LRP1B: variants seen among roughly 807,000 people sequenced by gnomAD.
LRP1B encodes LDL receptor related protein 1B, also known as low-density lipoprotein receptor-related protein 1B.
In LRP1B, 217 loss-of-function variants were observed where a neutral mutation model predicts 556.6. That is an observed-to-expected ratio of 0.39 (90% CI 0.35 to 0.44). The LOEUF is 0.44. Ranked by LOEUF, LRP1B falls within the 20% of genes least tolerant of loss-of-function variation. The pLI is 1.00. For synonymous variants in LRP1B, 2,047 were observed against 1,865.8 expected (o/e 1.10, Z -2.50); for missense variants, 5,053 against 5,620.8 (o/e 0.90, Z 3.23).
intron 1 of LRP1B, among the ~76,000 whole-genome samples, chr2:141,960,026 G>C (rs574939041): frequency 6.6e-6 from 1 of 152,024 alleles, no homozygotes; most frequent in East Asian, 1.9e-4. Flanking sequence ...TATGTATACA[G>C]ACACATGCAT....
chr2:141,341,289 A>G (rs1326950729), intron 3 of LRP1B, among the ~76,000 whole-genome samples: 3 of 152,184 alleles, frequency 2.0e-5, no homozygotes. Context: ...CCATGTATGG[A>G]ATTCTCACTT....
chr2:141,477,712 A>G (rs1682764766), intron 3 of LRP1B, among the ~76,000 whole-genome samples: 2 of 152,124 alleles, frequency 1.3e-5, no homozygotes, highest in African/African-American at 4.8e-5. Context: ...TAGGATGACT[A>G]TATCTCTTTA....
At chr2:140,757,987 T>C (rs2104909030) in intron 35 of LRP1B, among the ~76,000 whole-genome samples, 1 of 152,330 alleles carries the variant, frequency 6.6e-6, no homozygotes, top group South Asian at 2.1e-4. Context: ...GATGAAAAAT[T>C]CTACAATTGT....
intron 3 of LRP1B, among the ~76,000 whole-genome samples, chr2:141,367,857 A>C (rs1179969268): frequency 6.6e-6 from 1 of 152,102 alleles, no homozygotes. Flanking sequence ...ATGATTAGAA[A>C]ATGCAAGACC....
intron 18 of LRP1B, among the ~76,000 whole-genome samples, chr2:140,962,093 T>C (rs1396722086): frequency 6.6e-6 from 1 of 152,224 alleles, no homozygotes; most frequent in African/African-American, 2.4e-5. Flanking sequence ...AGAAATTGAA[T>C]AGAGAATGGG....
intron 41 of LRP1B, among the ~76,000 whole-genome samples, chr2:140,660,101 TACA>T (rs1460589367): frequency 3.3e-5 from 5 of 151,982 alleles, no homozygotes; most frequent in African/African-American, 1.2e-4. Context: ...AGAAATCCCT[TACA>T]ACAACCTATC....
At chr2:140,361,011 A>G (rs1211089255) in intron 72 of LRP1B, among the ~76,000 whole-genome samples, 3 of 151,292 alleles carry the variant, frequency 2.0e-5, no homozygotes, top group African/African-American at 7.3e-5. Context: ...TCTTAATTCT[A>G]GCTCATCGAT....
At chr2:140,624,049 T>C (rs1335561349) in intron 41 of LRP1B, among the ~76,000 whole-genome samples, 2 of 149,378 alleles carry the variant, frequency 1.3e-5, no homozygotes, top group Admixed American at 6.8e-5. Flanking sequence ...CCAAGCCACA[T>C]GGTTTAAAAG....
intron 8 of LRP1B, among the ~76,000 whole-genome samples, chr2:141,061,168 G>T (rs1380549083): frequency 6.6e-6 from 1 of 151,626 alleles, no homozygotes; most frequent in Non-Finnish European, 1.5e-5. Context: ...CTTTAACATT[G>T]AACAGGTTCC....
At chr2:140,273,071 T>A (rs1458029782) in intron 85 of LRP1B, among the ~76,000 whole-genome samples, 1 of 151,864 alleles carries the variant, frequency 6.6e-6, no homozygotes, top group Non-Finnish European at 1.5e-5. Context: ...AGGGTCTGCA[T>A]CTCCACATGA....
chr2:140,809,652 A>C (rs946342414), intron 32 of LRP1B, among the ~76,000 whole-genome samples: 1 of 152,254 alleles, frequency 6.6e-6, no homozygotes, highest in Non-Finnish European at 1.5e-5. Flanking sequence ...ATAGCAGTGC[A>C]AAAAGTGACT....
intron 5 of LRP1B, among the ~76,000 whole-genome samples, chr2:141,244,557 T>G (rs1683999574): frequency 1.3e-5 from 2 of 152,166 alleles, no homozygotes; most frequent in Non-Finnish European, 2.9e-5. Flanking sequence ...AATGCTTGTT[T>G]CTAGCACTTG....
chr2:141,933,025 T>C lies in LRP1B; in HGVS notation c.83-122624A>G, dbSNP rs79107780. ...CACTATTATGTTTCCATTTTTCCAT[T>C]ACAAGTTAAATTTAAAAATAACACA... On this transcript the variant is annotated intron_variant, in intron 1 of 90. Transcript: ENST00000389484. Among the ~76,000 whole-genome samples the C allele has an allele frequency of 1.2e-3, 183 of 152,080 alleles. 2 individuals carry two copies. In the East Asian group the frequency reaches 0.035, roughly 29 times the overall value.
At chr2:142,068,655 T>C (rs1156747290) in intron 1 of LRP1B, among the ~76,000 whole-genome samples, 1 of 151,504 alleles carries the variant, frequency 6.6e-6, no homozygotes, top group Non-Finnish European at 1.5e-5. Context: ...TATGTTTTAT[T>C]TGCAATATCC....
At position 140,702,165 on chromosome 2, in the gene LRP1B, C is replaced by G. The variant is rs1475910252; in HGVS notation, c.6278G>C (p.Gly2093Ala). 1.2e-6 allele frequency: 2 copies of G among 1,613,278 alleles called. No individual in the cohort carries two copies. Among genetic ancestry groups the G allele is most frequent in the Middle Eastern group, 1.6e-4 (1 of 6,074 alleles). ...NVDMFSVAVF[G>A]AYIYWSDRAH... ...CCTGTCAGACCAGTAGATGTAAGCC[C>G]CAAAGACTGCAACTGAAAACATATC... The change falls in exon 39 of 91, where the codon GGG (glycine) becomes GCG (alanine). Residue 2093 changes from glycine (G) to alanine (A), a missense_variant. Physicochemically the swap from Gly to Ala is moderately conservative, Grantham distance 60 (BLOSUM62 0). Around this residue, in one of 5 missense-constraint regions of LRP1B, gnomAD observed 3,619 missense variants for 3,931.9 expected, o/e 0.92. Coordinates refer to ENST00000389484, the MANE Select transcript of LRP1B (RefSeq NM_018557.3).
intron 1 of LRP1B, among the ~76,000 whole-genome samples, chr2:141,814,886 A>C (rs1367712189): frequency 1.3e-5 from 2 of 152,118 alleles, no homozygotes; most frequent in Non-Finnish European, 2.9e-5. Flanking sequence ...CAAAAGGAAG[A>C]GGCAAAGAGG....
intron 7 of LRP1B, among the ~76,000 whole-genome samples, chr2:141,155,411 T>G (rs1344534110): frequency 6.6e-6 from 1 of 151,846 alleles, no homozygotes; most frequent in Non-Finnish European, 1.5e-5. Context: ...AAATATACTA[T>G]TTTTCTGGAA....
At chr2:141,095,799 T>C (rs1378973670) in intron 7 of LRP1B, among the ~76,000 whole-genome samples, 1 of 152,108 alleles carries the variant, frequency 6.6e-6, no homozygotes, top group African/African-American at 2.4e-5. Flanking sequence ...CAGGTGTTGC[T>C]GGCTAGGCAG....
intron 32 of LRP1B, among the ~76,000 whole-genome samples, chr2:140,804,029 G>A (rs1364891732): frequency 6.6e-6 from 1 of 151,526 alleles, no homozygotes; most frequent in Admixed American, 6.6e-5. Context: ...TGAAGTTTCA[G>A]CTGCTTTTTA....
Sources: gnomAD v4.1 joint callset for allele counts (sites outside exome capture counted in the v4.1 genomes callset) on GRCh38, gnomAD v4.1.1 for gene constraint, gnomAD v4.1.1 regional missense constraint, MANE v1.5 for transcripts, NCBI Gene and HGNC (gene_info 2026-07-23, HGNC 2026-07-21) for gene names.